GPM6B: variants seen among roughly 807,000 people sequenced by gnomAD.
GPM6B encodes glycoprotein M6B.
Under a neutral mutation model 27.2 loss-of-function variants are expected in GPM6B, and 4 were observed. The observed-to-expected ratio is 0.15, with a 90% CI of 0.07 to 0.34. The LOEUF is 0.34. Ranked by LOEUF, GPM6B falls within the 10% of genes least tolerant of loss-of-function variation. GPM6B has a pLI of 1.00. For missense variants in GPM6B, 183 were observed against 261.9 expected, an observed-to-expected ratio of 0.70 and a Z score of 2.08; for synonymous variants, 124 against 103.1, an observed-to-expected ratio of 1.20 and a Z score of -1.23.
At chrX:13,783,007 T>C (rs1046653696) in intron 4 of GPM6B, among the ~76,000 whole-genome samples, 8 of 111,905 alleles carry the variant, frequency 7.1e-5, no homozygotes, top group Non-Finnish European at 1.3e-4. Flanking sequence ...ATGGTTCATG[T>C]ATGTCTTTAT....
chrX:13,938,416 G>A (rs1042944793), upstream of GPM6B: 1 of 367,234 alleles, frequency 2.7e-6, no homozygotes, highest in East Asian at 4.8e-5. Context: ...CCACCTGAGC[G>A]GGGGAGGGGC....
intron 1 of GPM6B, among the ~76,000 whole-genome samples, chrX:13,917,333 T>C (rs757191699): frequency 3.5e-5 from 4 of 112,818 alleles, no homozygotes; most frequent in Non-Finnish European, 5.6e-5. Context: ...TTTAGTGCCC[T>C]AGAGCAATAA....
At chrX:13,835,482 C>A (rs374071863) in intron 1 of GPM6B, among the ~76,000 whole-genome samples, 1 of 111,182 alleles carries the variant, frequency 9.0e-6, no homozygotes, top group Non-Finnish European at 1.9e-5. Flanking sequence ...GTGTCCTAGA[C>A]CCCAGTGAAA....
intron 1 of GPM6B, among the ~76,000 whole-genome samples, chrX:13,909,074 T>C (rs1217654024): frequency 2.7e-5 from 3 of 110,469 alleles, no homozygotes; most frequent in Non-Finnish European, 5.7e-5. Context: ...GTCTGCCCTA[T>C]TGTTCATAAC....
At chrX:13,831,957 G>A (rs376826187) in intron 1 of GPM6B, among the ~76,000 whole-genome samples, 2 of 111,388 alleles carry the variant, frequency 1.8e-5, no homozygotes, top group Admixed American at 1.9e-4. Context: ...CTTAACATTC[G>A]AATGTATTTC....
In GPM6B at chrX:13,804,419, G is replaced by C. The variant is rs184137705; in HGVS notation, c.181+3231C>G. On this transcript the variant is annotated intron_variant, in intron 2 of 7. Coordinates refer to ENST00000316715, the MANE Select transcript of GPM6B (RefSeq NM_001001995.3). ...CCCTAGGGCAGCATCATGGACGGCG[G>C]GGGGGGCGGGGGGCGGGGGTAGCCC... Among the ~76,000 whole-genome samples the C allele has an allele frequency of 6.2e-5, 5 of 80,184 alleles. No homozygotes were observed. The South Asian group carries it at 2.7e-3, about 43-fold the overall frequency. 69.6% of individuals were successfully genotyped at this position (80,184 alleles called of 115,157 possible).
At chrX:13,905,977 C>T (rs1453709455) in intron 1 of GPM6B, among the ~76,000 whole-genome samples, 2 of 111,858 alleles carry the variant, frequency 1.8e-5, no homozygotes, top group African/African-American at 6.5e-5. Context: ...ATTCAAGAGT[C>T]ACTGGTCTCC....
intron 1 of GPM6B, among the ~76,000 whole-genome samples, chrX:13,848,293 C>T (rs2049674077): frequency 8.9e-6 from 1 of 111,748 alleles, no homozygotes; most frequent in South Asian, 3.8e-4. Context: ...AGCCCAACTT[C>T]TCCCTCTGCT....
intron 2 of GPM6B, among the ~76,000 whole-genome samples, chrX:13,794,295 C>T (rs746163388): frequency 9.0e-6 from 1 of 111,170 alleles, no homozygotes; most frequent in East Asian, 2.8e-4. Flanking sequence ...AGCCATCCTC[C>T]TGCCTCAGCC....
rs761693115 is a variant in GPM6B, at chrX:13,859,549, AT to A, written c.-197-73742del. Reference sequence around the variant, plus strand: ...TGCCATGAAGTCTTTGTGTACAGAGATTTTTTTTTACATCATTTGAGTTCTT... The same window carrying A: ...TGCCATGAAGTCTTTGTGTACAGAGATTTTTTTTACATCATTTGAGTTCTT... On this transcript the variant is annotated intron_variant, in intron 1 of 6. Coordinates refer to the GPM6B transcript ENST00000398361. 2.0e-3 allele frequency among the ~76,000 whole-genome samples: 224 copies of A among 109,642 alleles called. 1 individual carries two copies. The highest frequency in any genetic ancestry group is 7.0e-3 in the African/African-American group (210 of 30,167).
intron 1 of GPM6B, among the ~76,000 whole-genome samples, chrX:13,904,322 TTAA>T (rs765337758): frequency 8.9e-6 from 1 of 112,146 alleles, no homozygotes; most frequent in South Asian, 3.7e-4. Context: ...TTGATTTCTA[TTAA>T]TGACCAAAGT....
At chrX:13,901,240 T>TA (rs781070822) in intron 1 of GPM6B, among the ~76,000 whole-genome samples, 1 of 111,130 alleles carries the variant, frequency 9.0e-6, no homozygotes, top group East Asian at 2.8e-4. Context: ...CTGAGGCAGC[T>TA]AAAAAAATGC....
At chrX:13,861,770 C>G (rs1297673232) in intron 1 of GPM6B, among the ~76,000 whole-genome samples, 2 of 111,908 alleles carry the variant, frequency 1.8e-5, no homozygotes, top group African/African-American at 6.5e-5. Context: ...TATACACAGA[C>G]AGTAACAACC....
chrX:13,797,745 G>T (rs912870423), intron 2 of GPM6B, among the ~76,000 whole-genome samples: 1 of 111,478 alleles, frequency 9.0e-6, no homozygotes, highest in Non-Finnish European at 1.9e-5. Context: ...AGTGGTAGGC[G>T]GTGGCAGAAT....
chrX:13,833,316 G>A (rs2049458836), intron 1 of GPM6B, among the ~76,000 whole-genome samples: 1 of 111,353 alleles, frequency 9.0e-6, no homozygotes, highest in Non-Finnish European at 1.9e-5. Context: ...ACTAGATCAA[G>A]TGAATGCTAT....
At chrX:13,908,403 C>A (rs1467150990) in intron 1 of GPM6B, among the ~76,000 whole-genome samples, 1 of 111,821 alleles carries the variant, frequency 8.9e-6, no homozygotes, top group Non-Finnish European at 1.9e-5. Context: ...GAGAAAATGT[C>A]AGACAAATCC....
chrX:13,784,274 C>T (rs2048570460), intron 3 of GPM6B, among the ~76,000 whole-genome samples: 1 of 112,401 alleles, frequency 8.9e-6, no homozygotes, highest in African/African-American at 3.2e-5. Flanking sequence ...CTTAAAGCTT[C>T]TCAGAAGTTT....
Position 13,789,319 on chromosome X carries a change from A to G in GPM6B, c.182-3511T>C, listed in dbSNP as rs748592999. On this transcript the variant is annotated intron_variant, in intron 2 of 7. Transcript: ENST00000316715. Reference sequence around the variant, plus strand: ...TTTGAACACTGGGCAATTTAGTCACATATCACACACTCATCCTAGAGGAAC... The same window carrying G: ...TTTGAACACTGGGCAATTTAGTCACGTATCACACACTCATCCTAGAGGAAC... Among the ~76,000 whole-genome samples the G allele has an allele frequency of 1.9e-4, 21 of 112,077 alleles. No individual in the cohort carries two copies. The South Asian group carries it at 7.8e-3, about 42-fold the overall frequency.
intron 1 of GPM6B, among the ~76,000 whole-genome samples, chrX:13,888,327 C>T (rs1432436949): frequency 3.6e-5 from 4 of 111,725 alleles, no homozygotes; most frequent in Non-Finnish European, 7.5e-5. Context: ...AATTACCTTC[C>T]ATTTTCTTTC....
Sources: gnomAD v4.1 joint callset for allele counts (sites outside exome capture counted in the v4.1 genomes callset) on GRCh38, gnomAD v4.1.1 for gene constraint, MANE v1.5 for transcripts, NCBI Gene and HGNC (gene_info 2026-07-23, HGNC 2026-07-21) for gene names.